The following IPO11 variants were observed in gnomAD, a reference collection of about 807,000 sequenced individuals.
The protein encoded by IPO11 is importin-11.
IPO11 carries 66 observed loss-of-function variants against 143.2 expected under a neutral mutation model. That is an observed-to-expected ratio of 0.46 (90% CI 0.38 to 0.57). The LOEUF (loss-of-function observed/expected upper bound fraction) is 0.57, where lower values mean the gene tolerates loss of function less well. IPO11 is among the 20% of genes least tolerant of loss of function. IPO11 has a pLI of 0.00. For synonymous variants in IPO11, 385 were observed against 377.8 expected, an observed-to-expected ratio of 1.02 and a Z score of -0.22; for missense variants, 1,026 against 1,141.0, an observed-to-expected ratio of 0.90 and a Z score of 1.45.
At chr5:62,493,486 T>G (rs1009243637) in intron 15 of IPO11, among the ~76,000 whole-genome samples, 1 of 152,124 alleles carries the variant, frequency 6.6e-6, no homozygotes, top group African/African-American at 2.4e-5. Flanking sequence ...AATTTTTAAG[T>G]ACTAAAAGTT....
intron 1 of IPO11, among the ~76,000 whole-genome samples, chr5:62,416,157 T>C (rs1314403669): frequency 3.4e-5 from 5 of 147,658 alleles, no homozygotes; most frequent in Non-Finnish European, 7.5e-5. Context: ...CTGCTGTATC[T>C]TTCTGTTTTC....
At chr5:62,615,795 G>A (rs1192194812) in intron 29 of IPO11, among the ~76,000 whole-genome samples, 1 of 152,148 alleles carries the variant, frequency 6.6e-6, no homozygotes, top group Non-Finnish European at 1.5e-5. Flanking sequence ...CCTTGGATGG[G>A]CTAAGGGAAA....
At chr5:62,515,329 A>G in intron 19 of IPO11, 59 bp from the exon 20 acceptor site, 2 of 1,111,428 alleles carry the variant, frequency 1.8e-6, no homozygotes, top group Non-Finnish European at 1.3e-6. Context: ...TGTTTTTCAA[A>G]GTAAATTGCC....
At chr5:62,625,187 A>G (rs927775632) in intron 29 of IPO11, among the ~76,000 whole-genome samples, 1 of 152,210 alleles carries the variant, frequency 6.6e-6, no homozygotes, top group African/African-American at 2.4e-5. Context: ...GTAGTGAAAT[A>G]TAATGGGAAA....
At chr5:62,533,212 C>CTT (rs996164060) in intron 22 of IPO11, among the ~76,000 whole-genome samples, 9 of 90,984 alleles carry the variant, frequency 9.9e-5, no homozygotes, top group African/African-American at 2.0e-4. Flanking sequence ...TTCTTTCTTT[C>CTT]TTCTTTTTTT....
intron 1 of IPO11, chr5:62,419,069 G>A: frequency 6.4e-7 from 1 of 1,551,118 alleles, no homozygotes; most frequent in Non-Finnish European, 8.7e-7. Context: ...TTGTATCTAG[G>A]CTATAAGCCT....
chr5:62,492,123 A>G (rs1239646339), intron 15 of IPO11, among the ~76,000 whole-genome samples: 1 of 152,208 alleles, frequency 6.6e-6, no homozygotes, highest in African/African-American at 2.4e-5. Flanking sequence ...GGGAAAAATC[A>G]AGCAATGCAC....
chr5:62,561,400 G>A lies in IPO11; in HGVS notation c.2582+143G>A, dbSNP rs1364832763. The A allele has an allele frequency of 2.9e-5, 11 of 383,466 alleles. 2 individuals carry two copies. The Admixed American group carries it at 5.5e-4, about 19-fold the overall frequency. 23.8% of individuals were successfully genotyped at this position (383,466 alleles called of 1,614,324 possible). Reference sequence around the variant, plus strand: ...GAATTTTGTTAGCTGATAATGATGTGGTAAATGTTGGTCTGGATCCAGAAA... The same window carrying A: ...GAATTTTGTTAGCTGATAATGATGTAGTAAATGTTGGTCTGGATCCAGAAA... On this transcript the variant is annotated intron_variant, in intron 27 of 29. Coordinates refer to ENST00000325324, the MANE Select transcript of IPO11 (RefSeq NM_016338.5).
chr5:62,497,000 T>G (rs998483567), intron 16 of IPO11, among the ~76,000 whole-genome samples: 4 of 152,238 alleles, frequency 2.6e-5, no homozygotes, highest in Non-Finnish European at 4.4e-5. Flanking sequence ...GTTGCTGCAC[T>G]GCTTCTGCTG....
chr5:62,582,217 G>C (rs1744594561), intron 27 of IPO11, among the ~76,000 whole-genome samples: 1 of 152,192 alleles, frequency 6.6e-6, no homozygotes, highest in Non-Finnish European at 1.5e-5. Flanking sequence ...CCAGAATTAG[G>C]TGAGTAGGAA....
intron 16 of IPO11, among the ~76,000 whole-genome samples, chr5:62,497,618 A>G (rs932342764): frequency 7.2e-5 from 11 of 152,272 alleles, no homozygotes; most frequent in African/African-American, 2.6e-4. Flanking sequence ...ATAGGAGTGT[A>G]CCACTATGCC....
intron 1 of IPO11, among the ~76,000 whole-genome samples, chr5:62,425,474 T>A (rs925946617): frequency 6.6e-6 from 1 of 152,146 alleles, no homozygotes; most frequent in East Asian, 1.9e-4. Context: ...AGCGCCACCA[T>A]GCCTGGCTAA....
chr5:62,455,005 A>G (rs557846327), intron 5 of IPO11, among the ~76,000 whole-genome samples: 2 of 152,352 alleles, frequency 1.3e-5, no homozygotes, highest in African/African-American at 4.8e-5. Context: ...ACCTGGAGAT[A>G]GGGACTAAAG....
At position 62,473,291 on chromosome 5, in the gene IPO11, C is replaced by T. The variant is rs543817207; in HGVS notation, c.709-1125C>T. On this transcript the variant is annotated intron_variant, in intron 7 of 29. Coordinates refer to ENST00000325324, the MANE Select transcript of IPO11 (RefSeq NM_016338.5). The stretch of plus-strand genomic sequence containing the variant: ...GAAGACTGGAAACATTGATTTTACT[C>T]TGCTTTTAGCTTTTATTTAACAGTT... Among the ~76,000 whole-genome samples the T allele has an allele frequency of 1.4e-4, 21 of 152,214 alleles. No individual in the cohort carries two copies. In the South Asian group the frequency reaches 3.9e-3, roughly 29 times the overall value.
At chr5:62,476,293 A>T (rs1745954781) in intron 8 of IPO11, among the ~76,000 whole-genome samples, 1 of 152,208 alleles carries the variant, frequency 6.6e-6, no homozygotes, top group South Asian at 2.1e-4. Context: ...CAGGGAAATT[A>T]TCAGAATAAA....
At chr5:62,530,483 A>G (rs1457254464) in intron 21 of IPO11, among the ~76,000 whole-genome samples, 2 of 152,210 alleles carry the variant, frequency 1.3e-5, no homozygotes. Flanking sequence ...AACTGTAGTT[A>G]CTTTCCTTAC....
intron 20 of IPO11, among the ~76,000 whole-genome samples, chr5:62,518,946 A>G (rs1742119464): frequency 6.6e-6 from 1 of 152,202 alleles, no homozygotes. Flanking sequence ...GTGACTGTCT[A>G]GGGAAATACT....
At chr5:62,435,024 C>CA (rs569681674) in intron 1 of IPO11, among the ~76,000 whole-genome samples, 6 of 127,184 alleles carry the variant, frequency 4.7e-5, no homozygotes, top group African/African-American at 6.0e-5. Flanking sequence ...GACGCTGTCT[C>CA]AAAAAAAAAA....
At chr5:62,502,364 C>A (rs1395010289) in intron 16 of IPO11, among the ~76,000 whole-genome samples, 1 of 152,208 alleles carries the variant, frequency 6.6e-6, no homozygotes, top group Non-Finnish European at 1.5e-5. Context: ...GTTGTCCCCC[C>A]ATTGCTTGAG....
Sources: gnomAD v4.1 joint callset for allele counts (sites outside exome capture counted in the v4.1 genomes callset) on GRCh38, gnomAD v4.1.1 for gene constraint, MANE v1.5 for transcripts, NCBI Gene and HGNC (gene_info 2026-07-23, HGNC 2026-07-21) for gene names.